Variants in PACC1 observed in about 807,000 individuals in gnomAD.
PACC1 encodes proton activated chloride channel 1.
PACC1 carries 34 observed loss-of-function variants against 39.7 expected under a neutral mutation model. The ratio of observed to expected loss-of-function variants is 0.86; its 90% CI spans 0.65 to 1.14. PACC1 has a LOEUF of 1.14. Among genes scored for constraint, PACC1 ranks in the 50% most tolerant of loss-of-function variants. The pLI, the probability that PACC1 is intolerant of heterozygous loss-of-function variation, is 0.00. For missense variants in PACC1, 379 were observed against 436.4 expected, an observed-to-expected ratio of 0.87 and a Z score of 1.17; for synonymous variants, 127 against 160.6, an observed-to-expected ratio of 0.79 and a Z score of 1.58.
chr1:212,384,565 C>A (rs1216817483), intron 4 of PACC1, among the ~76,000 whole-genome samples: 1 of 152,236 alleles, frequency 6.6e-6, no homozygotes, highest in Non-Finnish European at 1.5e-5. Flanking sequence ...CCTAGAAAAC[C>A]TTTCCTTCCC....
chr1:212,379,119 A>G (rs1018791700), intron 5 of PACC1, among the ~76,000 whole-genome samples: 1 of 151,546 alleles, frequency 6.6e-6, no homozygotes, highest in Non-Finnish European at 1.5e-5. Flanking sequence ...AATTTTTTGT[A>G]TTTTTAGTAG....
rs775683301 is a variant in PACC1 at position 212,379,961 on chromosome 1, T to C, written c.572A>G (p.Lys191Arg). 1.5e-5 allele frequency: 24 copies of C among 1,614,230 alleles called. No homozygotes were observed. Among genetic ancestry groups the C allele is most frequent in the Non-Finnish European group, 2.0e-5 (24 of 1,180,040 alleles). ...ELVFLQFRLN[K>R]SSEDFSAIDY... is the part of the protein sequence containing the mutation. The stretch of plus-strand genomic sequence containing the variant: ...AATGGCGCTGAAGTCCTCACTACTC[T>C]TGTTCAGGCGGAACTGGAGGAAGAC... Residue 191 changes from lysine (K) to arginine (R), a missense_variant, in exon 5 of 8, where the codon AAG becomes AGG. Physicochemically the swap from Lys to Arg is conservative, Grantham distance 26 (BLOSUM62 2). Transcript: ENST00000261455.
At chr1:212,399,234 T>G (rs1661627384) in intron 2 of PACC1, among the ~76,000 whole-genome samples, 1 of 152,140 alleles carries the variant, frequency 6.6e-6, no homozygotes. Context: ...TTTTTAAGAG[T>G]TGACAGGGAC....
intron 2 of PACC1, among the ~76,000 whole-genome samples, chr1:212,391,469 A>T (rs1015006157): frequency 6.6e-6 from 1 of 152,184 alleles, no homozygotes; most frequent in Non-Finnish European, 1.5e-5. Flanking sequence ...ACCAAAGGTA[A>T]ATAAAACCAC....
At chr1:212,371,072 C>T (rs766848685) in intron 7 of PACC1, among the ~76,000 whole-genome samples, 11 of 151,540 alleles carry the variant, frequency 7.3e-5, no homozygotes, top group Non-Finnish European at 1.5e-4. Context: ...ATGGTGAAAC[C>T]CATCTCTACT....
intron 2 of PACC1, among the ~76,000 whole-genome samples, chr1:212,404,697 T>C (rs1259757779): frequency 1.3e-5 from 2 of 150,382 alleles, no homozygotes; most frequent in Non-Finnish European, 3.0e-5. Flanking sequence ...CAGCCAGCCT[T>C]CCTTCCTTTT....
intron 2 of PACC1, among the ~76,000 whole-genome samples, chr1:212,404,710 T>C (rs1661843376): frequency 6.6e-6 from 1 of 151,928 alleles, no homozygotes; most frequent in Admixed American, 6.6e-5. Flanking sequence ...TTCCTTTTTT[T>C]TTTTTTTTTC....
chr1:212,403,881 T>C (rs1228486384), intron 2 of PACC1, among the ~76,000 whole-genome samples: 1 of 151,796 alleles, frequency 6.6e-6, no homozygotes, highest in East Asian at 2.0e-4. Context: ...TTCTAAGCCA[T>C]TTGCCTCTCT....
At position 212,414,791 on chromosome 1, in the gene PACC1, GC is replaced by G. The variant is rs1361948792; in HGVS notation, c.-35del. 4.4e-6 allele frequency: 7 copies of G among 1,608,852 alleles called. No homozygotes were observed. The Admixed American group carries it at 1.0e-4, about 23-fold the overall frequency. ...CCAGAGCTTCGGCACACCTGAGACC[GC>G]CCCAGCCCGCGGCGCACGGACGCAG... On this transcript the variant is annotated 5_prime_UTR_variant, in exon 1 of 8. Transcript: ENST00000261455.
At chr1:212,403,879 C>G (rs796100598) in intron 2 of PACC1, among the ~76,000 whole-genome samples, 35 of 151,814 alleles carry the variant, frequency 2.3e-4, no homozygotes, top group Middle Eastern at 3.4e-3. Flanking sequence ...TTTTCTAAGC[C>G]ATTTGCCTCT....
chr1:212,409,177 G>A (rs767969290), intron 2 of PACC1, among the ~76,000 whole-genome samples: 2 of 152,120 alleles, frequency 1.3e-5, no homozygotes, highest in African/African-American at 2.4e-5. Context: ...TCCACAAACC[G>A]GTCCCTGGTG....
In PACC1 at chr1:212,377,592, A is replaced by G; in HGVS notation, c.753T>C (p.Asp251=). 6.2e-7 allele frequency: 1 copy of G among 1,614,070 alleles called. No homozygotes were observed. The highest frequency in any genetic ancestry group is 8.5e-7 in the Non-Finnish European group (1 of 1,179,984). ...GCCGGAACTCCACTGCTTCCCGCCC[A>G]TCCTCCTCCTTGGTCTTTACCAGTG... ...KMSLVKTKEE[D]GREAVEFRQE... Residue 251 remains aspartate, a synonymous_variant, in exon 6 of 8, where the codon GAT becomes GAC. Coordinates refer to ENST00000261455, the MANE Select transcript of PACC1 (RefSeq NM_018252.3).
intron 1 of PACC1, chr1:212,413,851 T>A (rs1662224610): frequency 5.3e-6 from 8 of 1,505,522 alleles, no homozygotes; most frequent in Non-Finnish European, 7.1e-6. Flanking sequence ...AGTATCGCAC[T>A]CAGAGGTTAC....
intron 2 of PACC1, among the ~76,000 whole-genome samples, chr1:212,390,529 G>A (rs1661276443): frequency 2.0e-5 from 3 of 152,000 alleles, no homozygotes; most frequent in African/African-American, 7.2e-5. Context: ...GCAGAAGATG[G>A]GTGATTTCTG....
rs529514616 is a variant in PACC1 at position 212,386,196 on chromosome 1, G to A, written c.343+695C>T. ...CAGGCCCTCCCACAGGTTACTCAGG[G>A]GCATCTGTGGGCAGAACAGGTGGCA... On this transcript the variant is annotated intron_variant, in intron 3 of 7. Transcript: ENST00000261455. This position sits in a 1 kb window ranked among gnomAD's most constrained non-coding sequence, Gnocchi z 5.0. Among the ~76,000 whole-genome samples, 3 of 152,222 alleles carry A rather than the reference G, an allele frequency of 2.0e-5. No individual in the cohort carries two copies. In the South Asian group the frequency reaches 6.2e-4, roughly 32 times the overall value.
At chr1:212,381,105 T>C (rs1268379425) in intron 4 of PACC1, among the ~76,000 whole-genome samples, 2 of 152,264 alleles carry the variant, frequency 1.3e-5, no homozygotes, top group Non-Finnish European at 1.5e-5. Context: ...TTATCCTTTC[T>C]AGTTTTTGTC....
At chr1:212,371,743 G>A (rs1175945358) in intron 7 of PACC1, among the ~76,000 whole-genome samples, 5 of 152,016 alleles carry the variant, frequency 3.3e-5, no homozygotes, top group Non-Finnish European at 5.9e-5. Context: ...ACTACAGGCC[G>A]ATATCTCTGA....
Position 212,385,397 on chromosome 1 carries a change from C to G in PACC1, c.372G>C (p.Gln124His). The G allele has an allele frequency of 5.6e-6, 9 of 1,614,080 alleles. No individual in the cohort carries two copies. Among genetic ancestry groups the G allele is most frequent in the Non-Finnish European group, 7.6e-6 (9 of 1,180,004 alleles). The change falls in exon 4 of 8, where the codon CAG (glutamine) becomes CAC (histidine). Residue 124 changes from glutamine (Q) to histidine (H), a missense_variant. Coordinates refer to ENST00000261455, the MANE Select transcript of PACC1 (RefSeq NM_018252.3). ...CGTAATGGTGCTTACAGCTGAGCAA[C>G]TGGGCCTGACCGGGGTACAAGGCAA... ...PGIALYPGQAQLLSCKHHYEV... is the reference protein window; with the variant it reads ...PGIALYPGQAHLLSCKHHYEV...
At chr1:212,366,136 A>G (rs1364718185) in intron 7 of PACC1, among the ~76,000 whole-genome samples, 1 of 152,140 alleles carries the variant, frequency 6.6e-6, no homozygotes, top group Non-Finnish European at 1.5e-5. Flanking sequence ...GGACTTCAGC[A>G]GAGCTATTTA....
Sources: allele counts gnomAD v4.1 joint callset (sites outside exome capture counted in the v4.1 genomes callset), GRCh38; gene constraint gnomAD v4.1.1; non-coding constraint Gnocchi (gnomAD v3.1); transcripts MANE v1.5; gene names NCBI Gene and HGNC (gene_info 2026-07-23, HGNC 2026-07-21).